Variants in TPST1 observed in about 807,000 individuals in gnomAD.
TPST1 encodes the protein protein-tyrosine sulfotransferase 1.
A neutral mutation model predicts 34.8 loss-of-function variants in TPST1; 20 were observed. That is an observed-to-expected ratio of 0.57 (90% CI 0.40 to 0.84). TPST1 has a LOEUF of 0.84. Among genes scored for constraint, TPST1 ranks in the 40% least tolerant of loss-of-function variants. The pLI, the probability that TPST1 is intolerant of heterozygous loss-of-function variation, is 0.00. For missense variants in TPST1, 353 were observed against 455.5 expected, an observed-to-expected ratio of 0.78 and a Z score of 2.05; for synonymous variants, 152 against 159.4, an observed-to-expected ratio of 0.95 and a Z score of 0.35.
At chr7:66,319,318 C>A (rs2116183906) in intron 3 of TPST1, among the ~76,000 whole-genome samples, 1 of 152,260 alleles carries the variant, frequency 6.6e-6, no homozygotes, top group Admixed American at 6.5e-5. Context: ...TTCACTCATT[C>A]TTTCTTCATC....
chr7:66,207,374 G>C (rs1584130959), intron 1 of TPST1, among the ~76,000 whole-genome samples: 1 of 152,158 alleles, frequency 6.6e-6, no homozygotes, highest in Non-Finnish European at 1.5e-5. Flanking sequence ...GGTCATTTTT[G>C]TCTGTGCCTG....
intron 2 of TPST1, among the ~76,000 whole-genome samples, chr7:66,250,055 C>G (rs1009272698): frequency 6.6e-6 from 1 of 152,210 alleles, no homozygotes; most frequent in Non-Finnish European, 1.5e-5. Flanking sequence ...CAAATACTAT[C>G]TCTCTCCGTG....
intron 2 of TPST1, among the ~76,000 whole-genome samples, chr7:66,262,385 T>C (rs531396848): frequency 1.7e-4 from 26 of 152,290 alleles, no homozygotes; most frequent in Non-Finnish European, 3.4e-4. Flanking sequence ...TTATGCCTTG[T>C]GGGAGCCAGA....
At chr7:66,356,052 C>G (rs1792577085) in intron 4 of TPST1, among the ~76,000 whole-genome samples, 1 of 151,186 alleles carries the variant, frequency 6.6e-6, no homozygotes, top group Non-Finnish European at 1.5e-5. Context: ...AAAAAAGAAA[C>G]AATCATGCAG....
chr7:66,327,989 TC>T (rs1180766742), intron 3 of TPST1, among the ~76,000 whole-genome samples: 2 of 149,918 alleles, frequency 1.3e-5, no homozygotes, highest in African/African-American at 4.9e-5. Context: ...TGTTTTTTTT[TC>T]TTTCTTTTTT....
At chr7:66,229,309 A>G (rs1464349561) in intron 1 of TPST1, among the ~76,000 whole-genome samples, 1 of 152,050 alleles carries the variant, frequency 6.6e-6, no homozygotes, top group Non-Finnish European at 1.5e-5. Context: ...ACGGGGTTTC[A>G]CTGTGTTAGC....
intron 2 of TPST1, among the ~76,000 whole-genome samples, chr7:66,248,292 C>T (rs933739867): frequency 2.6e-5 from 4 of 151,926 alleles, no homozygotes; most frequent in Non-Finnish European, 5.9e-5. Flanking sequence ...TGTTCGGAAC[C>T]TTGGTAGATG....
At chr7:66,247,009 C>T (rs1790163738) in intron 2 of TPST1, among the ~76,000 whole-genome samples, 1 of 152,226 alleles carries the variant, frequency 6.6e-6, no homozygotes, top group South Asian at 2.1e-4. Context: ...ACTGTGTTAG[C>T]TCCTTGAGAT....
At chr7:66,220,485 AC>A (rs1337982070) in intron 1 of TPST1, among the ~76,000 whole-genome samples, 4 of 152,312 alleles carry the variant, frequency 2.6e-5, no homozygotes, top group African/African-American at 9.6e-5. Flanking sequence ...TAGGAAGGAC[AC>A]CTGTGTCGTA....
intron 2 of TPST1, among the ~76,000 whole-genome samples, chr7:66,250,894 G>A (rs550670664): frequency 5.9e-5 from 9 of 152,202 alleles, no homozygotes; most frequent in Admixed American, 2.0e-4. Context: ...CTAATGGTGG[G>A]TAGTGAGTGT....
At chr7:66,305,611 A>G (rs879821758) in intron 3 of TPST1, among the ~76,000 whole-genome samples, 1 of 152,196 alleles carries the variant, frequency 6.6e-6, no homozygotes, top group Non-Finnish European at 1.5e-5. Context: ...TCTTTGGCTA[A>G]GTGGCATGAG....
chr7:66,327,307 A>G lies in TPST1; in HGVS notation c.1045-25198A>G, dbSNP rs569480151. 1.6e-4 allele frequency among the ~76,000 whole-genome samples: 25 copies of G among 152,394 alleles called. No homozygotes were observed. In the South Asian group the frequency reaches 4.6e-3, roughly 28 times the overall value. On this transcript the variant is annotated intron_variant, in intron 3 of 5. Coordinates refer to ENST00000304842, the MANE Select transcript of TPST1 (RefSeq NM_003596.4). Reference sequence around the variant, plus strand: ...GACTATAATTGGAAGGAAGGATTATATTAGAGTTTACAATGAGTTTACAGA... The same window carrying G: ...GACTATAATTGGAAGGAAGGATTATGTTAGAGTTTACAATGAGTTTACAGA...
intron 1 of TPST1, among the ~76,000 whole-genome samples, chr7:66,210,588 G>A (rs1789222818): frequency 6.6e-6 from 1 of 152,190 alleles, no homozygotes; most frequent in Non-Finnish European, 1.5e-5. Context: ...ATGGTGATAG[G>A]TATCTAGGAC....
intron 3 of TPST1, among the ~76,000 whole-genome samples, chr7:66,328,874 C>CTCTT (rs1483604410): frequency 5.8e-4 from 14 of 24,052 alleles, no homozygotes; most frequent in Admixed American, 2.9e-3. Context: ...CTCTCTCTCT[C>CTCTT]TCTCTCTCTC....
At chr7:66,242,680 G>A (rs542670291) in intron 2 of TPST1, among the ~76,000 whole-genome samples, 28 of 152,082 alleles carry the variant, frequency 1.8e-4, no homozygotes, top group Non-Finnish European at 3.5e-4. Flanking sequence ...ATGTTGGCCC[G>A]GCACCGATGC....
intron 2 of TPST1, 138 bp downstream of exon 2, chr7:66,241,408 C>A: frequency 2.0e-6 from 2 of 1,001,438 alleles, no homozygotes; most frequent in Non-Finnish European, 2.7e-6. Flanking sequence ...TTTTCTGGAA[C>A]AGATACAGCT....
At chr7:66,333,083 G>A (rs998128490) in intron 3 of TPST1, among the ~76,000 whole-genome samples, 7 of 152,144 alleles carry the variant, frequency 4.6e-5, no homozygotes, top group Non-Finnish European at 1.0e-4. Flanking sequence ...AACTTCACAA[G>A]CAATTTAGGC....
intron 2 of TPST1, among the ~76,000 whole-genome samples, chr7:66,284,797 TC>T (rs1791002769): frequency 2.0e-5 from 3 of 152,148 alleles, no homozygotes; most frequent in African/African-American, 7.2e-5. Context: ...CCTCAAATAA[TC>T]CACCCACTTT....
chr7:66,334,904 C>A (rs1250017667), intron 3 of TPST1, among the ~76,000 whole-genome samples: 2 of 152,152 alleles, frequency 1.3e-5, no homozygotes, highest in Non-Finnish European at 2.9e-5. Flanking sequence ...GAGCCCACTC[C>A]CGTCCCATCA....
Sources: allele counts gnomAD v4.1 joint callset (sites outside exome capture counted in the v4.1 genomes callset), GRCh38; gene constraint gnomAD v4.1.1; transcripts MANE v1.5; gene names NCBI Gene and HGNC (gene_info 2026-07-23, HGNC 2026-07-21).